The following ANO6 variants were observed in gnomAD, a reference collection of about 807,000 sequenced individuals.
ANO6 encodes the protein anoctamin 6, also known as anoctamin-6.
Under a neutral mutation model 117.5 loss-of-function variants are expected in ANO6, and 106 were observed. That is an observed-to-expected ratio of 0.90 (90% CI 0.77 to 1.06). The LOEUF (loss-of-function observed/expected upper bound fraction) is 1.06, where lower values mean the gene tolerates loss of function less well. Ranked by LOEUF, ANO6 falls within the 50% of genes least tolerant of loss-of-function variation. The pLI, the probability that ANO6 is intolerant of heterozygous loss-of-function variation, is 0.00. For synonymous variants in ANO6, 367 were observed against 385.1 expected (o/e 0.95, Z 0.55); for missense variants, 955 against 1,121.1 (o/e 0.85, Z 2.12).
rs148850887 is a variant in ANO6 at position 45,421,121 on chromosome 12, C to T, written c.2268C>T (p.Tyr756=). 7 of 1,614,244 alleles carry T rather than the reference C, an allele frequency of 4.3e-6. No individual in the cohort carries two copies. The South Asian group carries it at 6.6e-5, about 15-fold the overall frequency. The part of the protein sequence containing the change: ...TSDMIPRLVY[Y]WSFSVPPYGD... ...ACATGATCCCCCGCCTAGTGTACTACTGGTCCTTCTCCGTCCCTCCCTACG... is the reference window on the plus strand; with the variant it reads ...ACATGATCCCCCGCCTAGTGTACTATTGGTCCTTCTCCGTCCCTCCCTACG... Residue 756 remains tyrosine, a synonymous_variant, in exon 18 of 20, where the codon TAC becomes TAT. Coordinates refer to ENST00000320560, the MANE Select transcript of ANO6 (RefSeq NM_001025356.3).
chr12:45,341,689 C>T (rs1940982472), intron 3 of ANO6, among the ~76,000 whole-genome samples: 1 of 152,128 alleles, frequency 6.6e-6, no homozygotes, highest in Admixed American at 6.5e-5. Context: ...AGGTGACTCT[C>T]ATAGTGTTCC....
chr12:45,288,754 G>A (rs1277317117), intron 1 of ANO6, among the ~76,000 whole-genome samples: 1 of 151,956 alleles, frequency 6.6e-6, no homozygotes, highest in Non-Finnish European at 1.5e-5. Flanking sequence ...TTGTTTGTTT[G>A]TTTTGTTTTG....
chr12:45,431,973 A>G lies in ANO6; in HGVS notation c.*2662A>G. 1.0e-6 allele frequency: 1 copy of G among 985,090 alleles called. No homozygotes were observed. Among genetic ancestry groups the G allele is most frequent in the Non-Finnish European group, 1.2e-6 (1 of 829,840 alleles). 61.0% of individuals were successfully genotyped at this position (985,090 alleles called of 1,614,324 possible). On this transcript the variant is annotated 3_prime_UTR_variant, in exon 20 of 20. Coordinates refer to ENST00000320560, the MANE Select transcript of ANO6 (RefSeq NM_001025356.3). ...TATATATCATTAGAAAGGGAAAGCT[A>G]TCATTTTTATTTTAAAACTAAACAA...
At chr12:45,216,520 G>C in intron 1 of ANO6, 129 bp downstream of exon 1, 2 of 1,063,872 alleles carry the variant, frequency 1.9e-6, no homozygotes, top group Non-Finnish European at 2.7e-6. Flanking sequence ...CTCCGGGCAG[G>C]GGAGGAAGCC....
chr12:45,272,267 TCA>T (rs1938418136), intron 1 of ANO6, among the ~76,000 whole-genome samples: 2 of 151,890 alleles, frequency 1.3e-5, no homozygotes. Flanking sequence ...CCAACTTCTA[TCA>T]CACAAACTTC....
intron 1 of ANO6, among the ~76,000 whole-genome samples, chr12:45,276,809 G>T (rs1471339299): frequency 6.6e-6 from 1 of 152,116 alleles, no homozygotes; most frequent in Non-Finnish European, 1.5e-5. Context: ...ATGTGTTCAT[G>T]CCATGAGCTC....
chr12:45,438,090 G>A (rs1385046814), intron 19 of ANO6, among the ~76,000 whole-genome samples: 3 of 152,088 alleles, frequency 2.0e-5, no homozygotes, highest in East Asian at 1.9e-4. Flanking sequence ...CAGGGTCTGC[G>A]CTGGTGCTTC....
intron 2 of ANO6, among the ~76,000 whole-genome samples, chr12:45,317,444 C>A (rs1940087786): frequency 6.6e-6 from 1 of 151,666 alleles, no homozygotes; most frequent in Non-Finnish European, 1.5e-5. Flanking sequence ...CTGCAAAGGA[C>A]ATGAACTCAT....
intron 4 of ANO6, chr12:45,347,472 C>G: frequency 4.8e-6 from 1 of 207,812 alleles, no homozygotes; most frequent in Non-Finnish European, 9.6e-6. Flanking sequence ...AGCTGTTTTA[C>G]TCAAAAATAT....
chr12:45,225,706 G>T (rs192461769), intron 1 of ANO6, among the ~76,000 whole-genome samples: 125 of 152,248 alleles, frequency 8.2e-4, no homozygotes, highest in Non-Finnish European at 1.6e-3. Context: ...AACCAGGTTG[G>T]TCTTGATCTC....
At chr12:45,265,912 G>C (rs761247500) in intron 1 of ANO6, among the ~76,000 whole-genome samples, 2 of 152,284 alleles carry the variant, frequency 1.3e-5, no homozygotes, top group Non-Finnish European at 2.9e-5. Context: ...CCTACTATTT[G>C]CCAGGCACTG....
At chr12:45,435,246 G>T (rs1214782784), downstream of ANO6, among the ~76,000 whole-genome samples, 1 of 152,122 alleles carries the variant, frequency 6.6e-6, no homozygotes, top group African/African-American at 2.4e-5. Flanking sequence ...GTCTTCCAAA[G>T]CTTGTCTTTC....
intron 1 of ANO6, among the ~76,000 whole-genome samples, chr12:45,271,221 C>T (rs1474974991): frequency 6.6e-6 from 1 of 152,118 alleles, no homozygotes; most frequent in Non-Finnish European, 1.5e-5. Flanking sequence ...ATCCAGGGAC[C>T]TTCGAATAAC....
chr12:45,413,712 C>T (rs1428277343), intron 16 of ANO6, among the ~76,000 whole-genome samples: 2 of 152,144 alleles, frequency 1.3e-5, no homozygotes, highest in South Asian at 4.1e-4. Flanking sequence ...GAGATGATAA[C>T]GTTGCTTCAG....
At chr12:45,255,818 G>GGTTTTTTTTTTTTTTT (rs749001458) in intron 1 of ANO6, among the ~76,000 whole-genome samples, 7 of 81,712 alleles carry the variant, frequency 8.6e-5, no homozygotes, top group African/African-American at 2.7e-4. Context: ...CTCCCTGGGT[G>GGTTTTTTTTTTTTTTT]TTTTTTTTTT....
intron 1 of ANO6, among the ~76,000 whole-genome samples, chr12:45,284,470 C>CA (rs1253085781): frequency 6.6e-6 from 1 of 152,174 alleles, no homozygotes; most frequent in Non-Finnish European, 1.5e-5. Flanking sequence ...GATACGCGGG[C>CA]AGGAGAAGGT....
At chr12:45,396,136 C>A (rs1211342246) in intron 12 of ANO6, among the ~76,000 whole-genome samples, 1 of 152,176 alleles carries the variant, frequency 6.6e-6, no homozygotes, top group African/African-American at 2.4e-5. Context: ...TAAGCAACTT[C>A]AACAAAATAT....
chr12:45,266,354 G>T (rs1339471071), intron 1 of ANO6, among the ~76,000 whole-genome samples: 1 of 151,990 alleles, frequency 6.6e-6, no homozygotes, highest in Non-Finnish European at 1.5e-5. Flanking sequence ...TTTAGCCCTG[G>T]ATTACCATAC....
At chr12:45,221,556 A>G (rs559743231) in intron 1 of ANO6, among the ~76,000 whole-genome samples, 1 of 152,284 alleles carries the variant, frequency 6.6e-6, no homozygotes, top group East Asian at 1.9e-4. Flanking sequence ...ATGTTAATGA[A>G]AAGAGTGATA....
Sources: allele counts gnomAD v4.1 joint callset (sites outside exome capture counted in the v4.1 genomes callset), GRCh38; gene constraint gnomAD v4.1.1; transcripts MANE v1.5; gene names NCBI Gene and HGNC (gene_info 2026-07-23, HGNC 2026-07-21).